The following PRTN3 variants were observed in gnomAD, a reference collection of about 807,000 sequenced individuals.
PRTN3 encodes myeloblastin.
A neutral mutation model predicts 20.7 loss-of-function variants in PRTN3; 22 were observed. The observed-to-expected ratio is 1.06, with a 90% CI of 0.76 to 1.52. The LOEUF is 1.52. Among genes scored for constraint, PRTN3 ranks in the 40% most tolerant of loss-of-function variants. PRTN3 has a pLI of 0.00. For synonymous variants in PRTN3, 173 were observed against 152.9 expected, an observed-to-expected ratio of 1.13 and a Z score of -0.97; for missense variants, 378 against 359.6, an observed-to-expected ratio of 1.05 and a Z score of -0.41.
chr19:843,646 C>G lies in PRTN3; in HGVS notation c.227+20C>G. The G allele has an allele frequency of 6.6e-7, 1 of 1,526,114 alleles. No individual in the cohort carries two copies. Among genetic ancestry groups the G allele is most frequent in the African/African-American group, 1.4e-5 (1 of 73,076 alleles). 94.5% of individuals were successfully genotyped at this position (1,526,114 alleles called of 1,614,324 possible). A position where few individuals can be genotyped will look rare whatever the true frequency, so the allele number is the denominator to read the frequency against. ...GGACATGTGAGCGGCCGCCTCCACA[C>G]CCCTGTCCGCCCGCCCCGCCCTCTT... On this transcript the variant is annotated intron_variant, in intron 2 of 4. Coordinates refer to ENST00000234347, the MANE Select transcript of PRTN3 (RefSeq NM_002777.4).
intron 1 of PRTN3, among the ~76,000 whole-genome samples, chr19:842,318 ATTTTTT>A (rs112350346): frequency 1.2e-4 from 14 of 121,446 alleles, no homozygotes; most frequent in East Asian, 2.4e-4. Context: ...TTGTTGGCTG[ATTTTTT>A]TTTTTTTTTT....
chr19:844,609 C>T (rs908569020), intron 3 of PRTN3, among the ~76,000 whole-genome samples: 2 of 149,482 alleles, frequency 1.3e-5, no homozygotes, highest in African/African-American at 2.5e-5. Flanking sequence ...CCTGACCTCA[C>T]TGGAAGTGGC....
chr19:847,565 G>A (rs868153805), intron 4 of PRTN3, among the ~76,000 whole-genome samples: 18 of 145,048 alleles, frequency 1.2e-4, no homozygotes, highest in Admixed American at 3.4e-4. Flanking sequence ...AAGAGAGAGA[G>A]AGAGAGAGAG....
intron 1 of PRTN3, among the ~76,000 whole-genome samples, 153 bp downstream of exon 1, chr19:841,222 C>T (rs1446608952): frequency 6.6e-6 from 1 of 152,228 alleles, no homozygotes; most frequent in African/African-American, 2.4e-5. Context: ...GGGACCAACG[C>T]TTGCAGGGGT....
chr19:841,119 G>C (rs745753071), intron 1 of PRTN3, 50 bp downstream of exon 1: 3 of 1,583,430 alleles, frequency 1.9e-6, no homozygotes, highest in South Asian at 2.3e-5. Flanking sequence ...CCGGTGGATT[G>C]TGGGGAAATA....
intron 4 of PRTN3, 131 bp downstream of exon 4, chr19:846,508 C>A: frequency 1.1e-6 from 1 of 931,782 alleles, no homozygotes; most frequent in Non-Finnish European, 1.6e-6. Flanking sequence ...GGAAGGTGGG[C>A]ACACCCAACA....
intron 4 of PRTN3, 30 bp downstream of exon 4, chr19:846,407 C>T (rs777566127): frequency 4.1e-4 from 636 of 1,539,744 alleles, no homozygotes; most frequent in Middle Eastern, 1.1e-3. Context: ...CCCCGGGCAC[C>T]GGGCTGCCAT....
intron 4 of PRTN3, among the ~76,000 whole-genome samples, chr19:847,561 G>A (rs370765735): frequency 4.2e-4 from 52 of 124,560 alleles, no homozygotes; most frequent in Middle Eastern, 4.2e-3. Context: ...AAGAAAGAGA[G>A]AGAGAGAGAG....
At chr19:847,481 A>G (rs1203840324) in intron 4 of PRTN3, among the ~76,000 whole-genome samples, 1 of 151,888 alleles carries the variant, frequency 6.6e-6, no homozygotes, top group African/African-American at 2.4e-5. Context: ...GGAGAAAGAA[A>G]GAAAGAGATA....
In PRTN3 at chr19:846,150, A is replaced by G. The variant is rs144775105; in HGVS notation, c.373A>G (p.Ser125Gly). 2.8e-4 allele frequency: 402 copies of G among 1,426,976 alleles called. 2 individuals are homozygous for G. In the Middle Eastern group the frequency reaches 9.6e-3, roughly 34 times the overall value. 88.4% of individuals were successfully genotyped at this position (1,426,976 alleles called of 1,614,324 possible). Residue 125 changes from serine to glycine, a missense_variant, in exon 4 of 5, where the codon AGC becomes GGC. Coordinates refer to ENST00000234347, the MANE Select transcript of PRTN3 (RefSeq NM_002777.4). ...CGCCGCCTGCCTTCTGCCCCAGCTG[A>G]GCAGCCCAGCCAACCTCAGTGCCTC... is the stretch of plus-strand genomic sequence containing the variant. ...KLNDVLLIQL[S>G]SPANLSASVA...
chr19:844,184 G>A (rs983085803), intron 3 of PRTN3, 150 bp downstream of exon 3: 1 of 1,085,940 alleles, frequency 9.2e-7, no homozygotes, highest in Non-Finnish European at 1.3e-6. Context: ...CTGGCCGGGG[G>A]AGACCGCTCC....
chr19:842,138 G>A (rs1346792575), intron 1 of PRTN3, among the ~76,000 whole-genome samples: 1 of 151,620 alleles, frequency 6.6e-6, no homozygotes, highest in Non-Finnish European at 1.5e-5. Context: ...TGATTCTCCT[G>A]CCTCCGCCTC....
At chr19:847,577 GAGAGAA>G (rs1010405703) in intron 4 of PRTN3, among the ~76,000 whole-genome samples, 1 of 151,234 alleles carries the variant, frequency 6.6e-6, no homozygotes, top group African/African-American at 2.4e-5. Flanking sequence ...GAGAGAGAGA[GAGAGAA>G]AGAAAGAAAG....
chr19:843,261 G>A (rs1274552598), intron 1 of PRTN3, 200 bp from the exon 2 acceptor site: 4 of 583,590 alleles, frequency 6.9e-6, no homozygotes, highest in African/African-American at 3.9e-5. Context: ...AGGACTGAAA[G>A]CTGCCACCAG....
intron 4 of PRTN3, among the ~76,000 whole-genome samples, chr19:846,608 C>G (rs757109295): frequency 3.3e-5 from 5 of 152,206 alleles, no homozygotes; most frequent in Non-Finnish European, 5.9e-5. Context: ...CCACTCCCCT[C>G]TAGGACCACA....
rs1478524696 is a variant in PRTN3, at chr19:847,865, G to T, written c.667G>T (p.Gly223Ter). The change falls in exon 5 of 5, where the codon GGA (glycine) becomes TGA (stop). Residue 223 changes from glycine (G) to a stop codon, truncating the protein, a stop_gained. Coordinates refer to ENST00000234347, the MANE Select transcript of PRTN3 (RefSeq NM_002777.4). LOFTEE classifies it low-confidence loss of function (END_TRUNC). ...AGGAATAGACTCCTTCGTGATCTGG[G>T]GATGTGCCACCCGCCTTTTCCCTGA... ...IQGIDSFVIW[G>*]CATRLFPDFF... The T allele has an allele frequency of 1.2e-6, 2 of 1,608,180 alleles. No homozygotes were observed. The highest frequency in any genetic ancestry group is 3.4e-5 in the Admixed American group (2 of 59,352).
Position 847,876 on chromosome 19 carries a change from C to T in PRTN3, c.678C>T (p.Thr226=). ...CCTTCGTGATCTGGGGATGTGCCAC[C>T]CGCCTTTTCCCTGACTTCTTCACGC... ...IDSFVIWGCA[T]RLFPDFFTRV... is the part of the protein sequence containing the mutation. The change falls in exon 5 of 5, where the codon ACC becomes ACT. Residue 226 remains threonine (T), a synonymous_variant. Transcript: ENST00000234347. The T allele has an allele frequency of 6.2e-7, 1 of 1,607,826 alleles. No homozygotes were observed. Among genetic ancestry groups the T allele is most frequent in the Non-Finnish European group, 8.5e-7 (1 of 1,176,934 alleles).
chr19:843,524 T>A lies in PRTN3; in HGVS notation c.125T>A (p.Met42Lys). The change falls in exon 2 of 5, where the codon ATG becomes AAG. Residue 42 changes from methionine (M) to lysine (K), a missense_variant. Met to Lys is a moderately conservative substitution (Grantham distance 95). Transcript: ENST00000234347. ...HEAQPHSRPYMASLQMRGNPG... is the reference protein window; with the variant it reads ...HEAQPHSRPYKASLQMRGNPG... ...GCGCAGCCACACTCCCGGCCCTACATGGCCTCCCTGCAGATGCGGGGGAAC... is the reference window on the plus strand; with the variant it reads ...GCGCAGCCACACTCCCGGCCCTACAAGGCCTCCCTGCAGATGCGGGGGAAC... The A allele has an allele frequency of 6.3e-7, 1 of 1,593,114 alleles. No individual in the cohort carries two copies. Among genetic ancestry groups the A allele is most frequent in the Non-Finnish European group, 8.5e-7 (1 of 1,172,644 alleles).
Position 848,026 on chromosome 19 carries a change from C to A in PRTN3, c.*57C>A, listed in dbSNP as rs533092349. The A allele has an allele frequency of 1.7e-5, 26 of 1,533,204 alleles. No individual in the cohort carries two copies. The Middle Eastern group carries it at 6.3e-4, about 37-fold the overall frequency. The allele number at this position is 1,533,204 out of a possible 1,614,324, so 95.0% of individuals were successfully genotyped here. On this transcript the variant is annotated 3_prime_UTR_variant, in exon 5 of 5. Transcript: ENST00000234347. ...CGAGCCTGGCTCCAAACCCTCGAGG[C>A]GGATCTTTGGACAGAAGCAGCTCTT...
Sources: gnomAD v4.1 joint callset for allele counts (sites outside exome capture counted in the v4.1 genomes callset) on GRCh38, gnomAD v4.1.1 for gene constraint, MANE v1.5 for transcripts, NCBI Gene and HGNC (gene_info 2026-07-23, HGNC 2026-07-21) for gene names.